Variants in GPHN observed in about 807,000 individuals in gnomAD.
The protein encoded by GPHN is gephyrin.
Under a neutral mutation model 95.5 loss-of-function variants are expected in GPHN, and 17 were observed. The observed-to-expected ratio is 0.18, with a 90% CI of 0.12 to 0.27. GPHN has a LOEUF of 0.27. Ranked by LOEUF, GPHN falls within the 10% of genes least tolerant of loss-of-function variation. GPHN has a pLI of 1.00. For synonymous variants in GPHN, 320 were observed against 322.5 expected, an observed-to-expected ratio of 0.99 and a Z score of 0.08; for missense variants, 660 against 978.1, an observed-to-expected ratio of 0.67 and a Z score of 4.34.
the GPHN span, among the ~76,000 whole-genome samples, chr14:67,193,206 A>T: frequency 1.1e-3 from 158 of 139,750 alleles, no homozygotes; most frequent in Admixed American, 3.9e-3. Context: ...ATATATCTCT[A>T]TATAGACATC....
In GPHN at chr14:67,058,634, T is replaced by C. The variant is rs372480654; in HGVS notation, c.1007-15T>C. On this transcript the variant is annotated splice_polypyrimidine_tract_variant and intron_variant, in intron 10 of 22. Coordinates refer to ENST00000478722, the MANE Select transcript of GPHN (RefSeq NM_020806.5). ...TTACAGCATCATATTCTTAGTTAAT[T>C]ATCTTACTGTTTAGGTCACAGTGCT... The C allele has an allele frequency of 6.2e-6, 10 of 1,608,288 alleles. No homozygotes were observed. The highest frequency in any genetic ancestry group is 8.5e-6 in the Non-Finnish European group (10 of 1,174,816).
At chr14:66,824,383 C>G in intron 3 of GPHN, 91 bp from the exon 4 acceptor site, 2 of 697,012 alleles carry the variant, frequency 2.9e-6, no homozygotes, top group East Asian at 5.4e-5. Flanking sequence ...ATCTGTGTTT[C>G]CTCGTTGAAT....
chr14:67,373,576 A>C, the GPHN span, among the ~76,000 whole-genome samples: 1 of 152,144 alleles, frequency 6.6e-6, no homozygotes, highest in Admixed American at 6.5e-5. Context: ...CACTCTCACC[A>C]CTGTTACTCA....
chr14:67,584,403 T>C, the GPHN span, among the ~76,000 whole-genome samples: 112 of 152,248 alleles, frequency 7.4e-4, no homozygotes, highest in African/African-American at 2.5e-3. Context: ...CTCTCAAGAG[T>C]GCTTTCATTT....
chr14:66,587,328 C>T (rs1261945028), intron 1 of GPHN, among the ~76,000 whole-genome samples: 1 of 152,158 alleles, frequency 6.6e-6, no homozygotes, highest in Non-Finnish European at 1.5e-5. Flanking sequence ...ACCAATGCTT[C>T]TGAAATTCTT....
At chr14:66,791,654 C>A (rs895082516) in intron 3 of GPHN, among the ~76,000 whole-genome samples, 2 of 152,188 alleles carry the variant, frequency 1.3e-5, no homozygotes, top group Admixed American at 1.3e-4. Context: ...CATGCTAATG[C>A]ATTACAATTA....
intron 9 of GPHN, among the ~76,000 whole-genome samples, chr14:66,971,521 G>A (rs2069776694): frequency 6.6e-6 from 1 of 152,090 alleles, no homozygotes; most frequent in East Asian, 1.9e-4. Flanking sequence ...ATTAAGTCTT[G>A]TAATATGTTG....
intron 15 of GPHN, 21 bp downstream of exon 15, chr14:67,111,940 A>C (rs749973912): frequency 6.4e-7 from 1 of 1,569,018 alleles, no homozygotes; most frequent in Admixed American, 1.7e-5. Flanking sequence ...AACACATAGA[A>C]TATATAGCCT....
intron 16 of GPHN, among the ~76,000 whole-genome samples, 163 bp from the exon 17 acceptor site, chr14:67,122,093 T>C (rs1395148678): frequency 6.6e-6 from 1 of 152,170 alleles, no homozygotes; most frequent in Non-Finnish European, 1.5e-5. Flanking sequence ...CCTCCTATAC[T>C]TTCAATATTT....
At chr14:67,294,729 G>C in the GPHN span, 1 of 151,826 alleles carries the variant, frequency 6.6e-6, no homozygotes, top group South Asian at 2.1e-4. Flanking sequence ...CTGGAGTGCA[G>C]TGGCACGATC....
chr14:66,705,377 G>A (rs915169944), intron 2 of GPHN, among the ~76,000 whole-genome samples: 3 of 151,292 alleles, frequency 2.0e-5, no homozygotes, highest in African/African-American at 7.3e-5. Context: ...GAAAACTTCA[G>A]GCCAATATCC....
intron 4 of GPHN, among the ~76,000 whole-genome samples, chr14:66,872,279 C>A (rs577799321): frequency 1.3e-5 from 2 of 152,194 alleles, no homozygotes; most frequent in South Asian, 4.1e-4. Context: ...TCTCTCTATA[C>A]CTTCATAATT....
At chr14:67,664,222 A>T in the GPHN span, among the ~76,000 whole-genome samples, 1 of 152,182 alleles carries the variant, frequency 6.6e-6, no homozygotes, top group Non-Finnish European at 1.5e-5. Context: ...TTGTGGAGCC[A>T]TCACCACTAA....
chr14:67,192,288 A>G, the GPHN span, among the ~76,000 whole-genome samples: 1 of 152,208 alleles, frequency 6.6e-6, no homozygotes, highest in African/African-American at 2.4e-5. Flanking sequence ...TGTCTGTGCC[A>G]TGGAGCTAGC....
At chr14:66,649,285 G>C (rs2064920094) in intron 1 of GPHN, among the ~76,000 whole-genome samples, 2 of 151,902 alleles carry the variant, frequency 1.3e-5, no homozygotes, top group African/African-American at 2.4e-5. Context: ...AGTGAGCCAA[G>C]ATCACGCCAC....
intron 9 of GPHN, among the ~76,000 whole-genome samples, chr14:67,014,587 A>C (rs2073197347): frequency 6.6e-6 from 1 of 152,216 alleles, no homozygotes; most frequent in South Asian, 2.1e-4. Flanking sequence ...AGTGATTGAT[A>C]GTGTACAGAT....
At chr14:67,669,683 C>T in the GPHN span, among the ~76,000 whole-genome samples, 4 of 152,196 alleles carry the variant, frequency 2.6e-5, no homozygotes, top group Non-Finnish European at 4.4e-5. Context: ...CTCTGCTTCT[C>T]CTCTTATGTT....
intron 17 of GPHN, among the ~76,000 whole-genome samples, chr14:67,139,009 G>T (rs2080283068): frequency 6.6e-6 from 1 of 150,688 alleles, no homozygotes; most frequent in Non-Finnish European, 1.5e-5. Context: ...GATCACTTGA[G>T]GTCAGGAGTT....
the GPHN span, among the ~76,000 whole-genome samples, chr14:67,419,603 C>T: frequency 6.6e-6 from 1 of 152,118 alleles, no homozygotes. Context: ...TGGCTCACGC[C>T]TATAATCCCA....
Sources: gnomAD v4.1 joint callset for allele counts (sites outside exome capture counted in the v4.1 genomes callset) on GRCh38, gnomAD v4.1.1 for gene constraint, MANE v1.5 for transcripts, NCBI Gene and HGNC (gene_info 2026-07-23, HGNC 2026-07-21) for gene names.